BIRC6: variants seen among roughly 807,000 people sequenced by gnomAD.
BIRC6 encodes baculoviral IAP repeat containing 6, also known as dual E2 ubiquitin-conjugating enzyme/E3 ubiquitin-protein ligase BIRC6.
In BIRC6, 98 loss-of-function variants were observed where a neutral mutation model predicts 503.3. The observed-to-expected ratio is 0.19, with a 90% CI of 0.17 to 0.23. The LOEUF (loss-of-function observed/expected upper bound fraction) is 0.23, where lower values mean the gene tolerates loss of function less well. Among genes scored for constraint, BIRC6 ranks in the 10% least tolerant of loss-of-function variants. The pLI, the probability that BIRC6 is intolerant of heterozygous loss-of-function variation, is 1.00. For missense variants in BIRC6, 5,360 were observed against 5,806.0 expected (o/e 0.92, Z 2.50); for synonymous variants, 2,240 against 2,078.7 (o/e 1.08, Z -2.11).
intron 23 of BIRC6, among the ~76,000 whole-genome samples, chr2:32,454,631 T>A (rs2047046485): frequency 6.6e-6 from 1 of 152,244 alleles, no homozygotes; most frequent in African/African-American, 2.4e-5. Context: ...TTAACGTGAT[T>A]CTTCTGTTGA....
intron 5 of BIRC6, 75 bp from the exon 6 acceptor site, chr2:32,395,436 T>C: frequency 8.3e-7 from 1 of 1,200,376 alleles, no homozygotes; most frequent in Non-Finnish European, 1.2e-6. Context: ...TATGAACTTT[T>C]AAAAATAACT....
intron 57 of BIRC6, among the ~76,000 whole-genome samples, chr2:32,520,585 A>C (rs1246961394): frequency 6.6e-6 from 1 of 152,222 alleles, no homozygotes; most frequent in African/African-American, 2.4e-5. Flanking sequence ...TGCGAGGCCA[A>C]GGCAGGTGGA....
chr2:32,522,543 G>T (rs1289329378), intron 57 of BIRC6: 2 of 152,068 alleles, frequency 1.3e-5, no homozygotes, highest in East Asian at 1.9e-4. Flanking sequence ...TAAATTTTTA[G>T]ATTGAATTTT....
chr2:32,538,379 T>G (rs2057402706), intron 61 of BIRC6, among the ~76,000 whole-genome samples: 1 of 152,074 alleles, frequency 6.6e-6, no homozygotes, highest in African/African-American at 2.4e-5. Context: ...AATTTACAGT[T>G]TTAGTCCTGC....
At chr2:32,371,043 T>G (rs2149268220) in intron 1 of BIRC6, among the ~76,000 whole-genome samples, 1 of 151,898 alleles carries the variant, frequency 6.6e-6, no homozygotes, top group East Asian at 1.9e-4. Flanking sequence ...CAAAACCCTG[T>G]CTCTACAAAA....
chr2:32,520,262 A>G (rs1420642796), intron 57 of BIRC6, among the ~76,000 whole-genome samples: 1 of 152,246 alleles, frequency 6.6e-6, no homozygotes, highest in African/African-American at 2.4e-5. Context: ...TATAATCATT[A>G]TAGGTAGGAA....
At chr2:32,483,514 G>A (rs898602258) in intron 39 of BIRC6, among the ~76,000 whole-genome samples, 5 of 152,198 alleles carry the variant, frequency 3.3e-5, no homozygotes, top group South Asian at 2.1e-4. Flanking sequence ...GGAAATTAAC[G>A]TTACTGCTGT....
intron 65 of BIRC6, among the ~76,000 whole-genome samples, chr2:32,572,380 G>A (rs2059971791): frequency 6.6e-6 from 1 of 152,144 alleles, no homozygotes; most frequent in South Asian, 2.1e-4. Flanking sequence ...TGGTATTACT[G>A]GTAGATCATT....
chr2:32,445,788 G>A (rs1456106686), intron 21 of BIRC6, 120 bp downstream of exon 21: 6 of 717,708 alleles, frequency 8.4e-6, no homozygotes, highest in Non-Finnish European at 9.9e-6. Context: ...AAAATGTTTA[G>A]TTTATACCTT....
At chr2:32,408,373 G>C (rs1016799058) in intron 9 of BIRC6, among the ~76,000 whole-genome samples, 3 of 152,142 alleles carry the variant, frequency 2.0e-5, no homozygotes, top group African/African-American at 7.2e-5. Context: ...GCCTCCCAAA[G>C]TGCTGGGATT....
intron 65 of BIRC6, chr2:32,564,211 A>G (rs536997899): frequency 3.9e-5 from 6 of 152,294 alleles, no homozygotes; most frequent in Admixed American, 6.5e-5. Context: ...TATTTTATGT[A>G]AATTGGATCA....
intron 9 of BIRC6, among the ~76,000 whole-genome samples, chr2:32,407,058 A>G (rs1012879283): frequency 1.3e-5 from 2 of 152,212 alleles, no homozygotes; most frequent in African/African-American, 2.4e-5. Context: ...TAGTTTTACT[A>G]TGTCAGAATT....
chr2:32,377,213 ATG>A (rs59912267), intron 1 of BIRC6, among the ~76,000 whole-genome samples: 10,336 of 143,964 alleles, frequency 0.072, 406 homozygotes, highest in East Asian at 0.14. Context: ...CTTAATATAT[ATG>A]TGTGTGTGTG....
intron 57 of BIRC6, among the ~76,000 whole-genome samples, chr2:32,523,869 C>T (rs181093079): frequency 6.6e-6 from 1 of 152,232 alleles, no homozygotes; most frequent in African/African-American, 2.4e-5. Context: ...GTCTGCACAA[C>T]ATGGCGAAAC....
intron 5 of BIRC6, 109 bp from the exon 6 acceptor site, chr2:32,395,402 T>C (rs1482395961): frequency 3.7e-6 from 3 of 811,946 alleles, no homozygotes; most frequent in Non-Finnish European, 5.7e-6. Context: ...TTTCTTATTT[T>C]CAGTATAGAA....
chr2:32,503,172 GA>G lies in BIRC6; in HGVS notation c.9439del (p.Thr3147GlnfsTer4). The G allele has an allele frequency of 6.2e-7, 1 of 1,613,114 alleles. No individual in the cohort carries two copies. The highest frequency in any genetic ancestry group is 8.5e-7 in the Non-Finnish European group (1 of 1,179,558). On this transcript the variant is annotated frameshift_variant, in exon 49 of 74. Coordinates refer to ENST00000421745, the MANE Select transcript of BIRC6 (RefSeq NM_016252.4). LOFTEE classifies it high-confidence loss of function. ...GPNKAVDSTL[K>X]TRILASEPDN... Reference sequence around the variant, plus strand: ...CAAATAAAGCTGTTGACAGCACATTGAAAACAAGAATACTAGCTTCTGAGCC... The same window carrying G: ...CAAATAAAGCTGTTGACAGCACATTGAAACAAGAATACTAGCTTCTGAGCC...
intron 9 of BIRC6, among the ~76,000 whole-genome samples, chr2:32,411,528 A>T (rs1312351602): frequency 1.3e-5 from 2 of 148,682 alleles, no homozygotes; most frequent in African/African-American, 2.5e-5. Context: ...TCCAGGCTGG[A>T]GTGCAGTGGC....
intron 32 of BIRC6, among the ~76,000 whole-genome samples, chr2:32,472,415 T>C (rs1172359532): frequency 6.6e-6 from 1 of 152,224 alleles, no homozygotes; most frequent in Non-Finnish European, 1.5e-5. Context: ...AACTGTAATG[T>C]AATCTTGGAA....
intron 1 of BIRC6, among the ~76,000 whole-genome samples, chr2:32,365,356 G>A (rs1329654746): frequency 7.1e-6 from 1 of 141,294 alleles, no homozygotes; most frequent in East Asian, 2.0e-4. Flanking sequence ...AGGTCGCCCT[G>A]TCGCCCAGGC....
Sources: gnomAD v4.1 joint callset for allele counts (sites outside exome capture counted in the v4.1 genomes callset) on GRCh38, gnomAD v4.1.1 for gene constraint, MANE v1.5 for transcripts, NCBI Gene and HGNC (gene_info 2026-07-23, HGNC 2026-07-21) for gene names.